The following CNTNAP5 variants were observed in gnomAD, a reference collection of about 807,000 sequenced individuals.
The protein encoded by CNTNAP5 is contactin associated protein family member 5.
CNTNAP5 carries 72 observed loss-of-function variants against 150.2 expected under a neutral mutation model. That is an observed-to-expected ratio of 0.48 (90% CI 0.40 to 0.58). CNTNAP5 has a LOEUF of 0.58. CNTNAP5 is among the 20% of genes least tolerant of loss of function. The pLI, the probability that CNTNAP5 is intolerant of heterozygous loss-of-function variation, is 0.00. For missense variants in CNTNAP5, 1,636 were observed against 1,626.2 expected (o/e 1.01, Z -0.10); for synonymous variants, 672 against 619.8 (o/e 1.08, Z -1.25).
intron 11 of CNTNAP5, among the ~76,000 whole-genome samples, chr2:124,587,983 A>T (rs1404785583): frequency 6.6e-6 from 1 of 152,114 alleles, no homozygotes; most frequent in Non-Finnish European, 1.5e-5. Flanking sequence ...CATATTGGAA[A>T]CTTGAGTTTT....
chr2:124,786,489 A>AAGGAAGGG (rs1681596089), intron 17 of CNTNAP5, among the ~76,000 whole-genome samples: 1 of 132,602 alleles, frequency 7.5e-6, no homozygotes, highest in African/African-American at 3.3e-5. Context: ...GGAAGGAGGG[A>AAGGAAGGG]AGGAAGGGAG....
At chr2:124,150,749 T>C (rs1194441678) in intron 1 of CNTNAP5, among the ~76,000 whole-genome samples, 1 of 152,066 alleles carries the variant, frequency 6.6e-6, no homozygotes, top group African/African-American at 2.4e-5. Context: ...TCATGAGAGG[T>C]CTACCCTGGT....
chr2:124,438,657 C>T (rs1573995339), intron 5 of CNTNAP5, among the ~76,000 whole-genome samples: 1 of 152,116 alleles, frequency 6.6e-6, no homozygotes, highest in Non-Finnish European at 1.5e-5. Context: ...TTTCCATTCT[C>T]CAAAGAGTCA....
At chr2:124,496,047 G>T (rs1282019746) in intron 7 of CNTNAP5, among the ~76,000 whole-genome samples, 2 of 151,924 alleles carry the variant, frequency 1.3e-5, no homozygotes, top group South Asian at 2.1e-4. Flanking sequence ...TAGGTGGGCG[G>T]GTCTGAGTCT....
chr2:124,266,725 T>C (rs79988795), intron 3 of CNTNAP5, among the ~76,000 whole-genome samples: 1 of 152,250 alleles, frequency 6.6e-6, no homozygotes, highest in African/African-American at 2.4e-5. Flanking sequence ...ATGTTTTACT[T>C]CCCAGCATAT....
rs2104773293 is a variant in CNTNAP5 at position 124,915,645 on chromosome 2, T to A, written c.*1357T>A. ...CATAAAGACCCTTCCAAACATCTTT[T>A]TATAGGCTTAAACTCCCAAAAGAGG... On this transcript the variant is annotated 3_prime_UTR_variant, in exon 24 of 24. Coordinates refer to ENST00000682447, the MANE Select transcript of CNTNAP5 (RefSeq NM_001367498.1). 6.6e-6 allele frequency among the ~76,000 whole-genome samples: 1 copy of A among 152,180 alleles called. No individual in the cohort carries two copies. The highest frequency in any genetic ancestry group is 1.9e-4 in the East Asian group (1 of 5,144).
At chr2:124,253,851 A>G (rs1419418410) in intron 3 of CNTNAP5, among the ~76,000 whole-genome samples, 3 of 151,912 alleles carry the variant, frequency 2.0e-5, no homozygotes, top group East Asian at 1.9e-4. Context: ...TTTAGATAAG[A>G]AGATGATGGG....
chr2:124,718,180 A>G (rs534574069), intron 13 of CNTNAP5, among the ~76,000 whole-genome samples: 21 of 152,354 alleles, frequency 1.4e-4, no homozygotes, highest in African/African-American at 4.8e-4. Context: ...GAGATGTGGG[A>G]CATAAAAGCT....
rs542910636 is a variant in CNTNAP5 at position 124,696,176 on chromosome 2, C to G, written c.2077+48218C>G. ...CCAGACAATGATGGCTGGAATGATT[C>G]CTATTAAAAGTGAAGAAATGTTACT... On this transcript the variant is annotated intron_variant, in intron 13 of 23. Transcript: ENST00000682447. Among the ~76,000 whole-genome samples the G allele has an allele frequency of 3.9e-5, 6 of 152,172 alleles. No homozygotes were observed. The South Asian group carries it at 1.2e-3, about 32-fold the overall frequency.
chr2:124,703,093 G>C (rs1374947738), intron 13 of CNTNAP5, among the ~76,000 whole-genome samples: 1 of 149,800 alleles, frequency 6.7e-6, no homozygotes, highest in Non-Finnish European at 1.5e-5. Flanking sequence ...TATGAATTCA[G>C]CTTTCCTTCC....
At chr2:124,853,209 G>A (rs1193289486) in intron 19 of CNTNAP5, among the ~76,000 whole-genome samples, 2 of 152,176 alleles carry the variant, frequency 1.3e-5, no homozygotes, top group African/African-American at 2.4e-5. Context: ...TGATGTGAGG[G>A]CCATAGTGCT....
intron 6 of CNTNAP5, among the ~76,000 whole-genome samples, chr2:124,461,860 C>CAA (rs59177385): frequency 0.19 from 16,323 of 86,664 alleles, 1,310 homozygotes; most frequent in Non-Finnish European, 0.25. Context: ...GATTCCACCT[C>CAA]AAAAAAAAAA....
At chr2:124,254,852 G>C (rs902393696) in intron 3 of CNTNAP5, among the ~76,000 whole-genome samples, 4 of 152,078 alleles carry the variant, frequency 2.6e-5, no homozygotes, top group African/African-American at 9.7e-5. Flanking sequence ...ACTGACTTTT[G>C]ACTAATTTCT....
chr2:124,717,657 C>T (rs563093149), intron 13 of CNTNAP5, among the ~76,000 whole-genome samples: 1 of 152,288 alleles, frequency 6.6e-6, no homozygotes, highest in South Asian at 2.1e-4. Context: ...ACACATGATT[C>T]TGTTGCTGCT....
chr2:124,309,664 G>T (rs369659483), intron 3 of CNTNAP5, among the ~76,000 whole-genome samples: 4 of 152,296 alleles, frequency 2.6e-5, no homozygotes, highest in African/African-American at 9.6e-5. Flanking sequence ...GCTTCCCAAT[G>T]ACAAAAGTCT....
At chr2:124,280,148 T>TTA (rs1174069998) in intron 3 of CNTNAP5, among the ~76,000 whole-genome samples, 5 of 151,610 alleles carry the variant, frequency 3.3e-5, no homozygotes, top group African/African-American at 7.3e-5. Flanking sequence ...TGTGATTATT[T>TTA]TATATATATA....
intron 3 of CNTNAP5, among the ~76,000 whole-genome samples, chr2:124,358,013 G>A (rs1230261878): frequency 2.0e-5 from 3 of 150,708 alleles, no homozygotes; most frequent in Non-Finnish European, 4.5e-5. Context: ...TCCTTGAAGA[G>A]GTCCTTCACA....
chr2:124,317,376 G>C (rs916067629), intron 3 of CNTNAP5, among the ~76,000 whole-genome samples: 2 of 152,078 alleles, frequency 1.3e-5, no homozygotes, highest in African/African-American at 4.8e-5. Flanking sequence ...ACGTCACTCA[G>C]CTTTTAAGTA....
intron 19 of CNTNAP5, among the ~76,000 whole-genome samples, chr2:124,836,832 A>G (rs901369977): frequency 3.3e-5 from 5 of 152,256 alleles, no homozygotes; most frequent in African/African-American, 1.2e-4. Flanking sequence ...TTAATTATAC[A>G]CATACCTCGT....
Sources: gnomAD v4.1 joint callset for allele counts (sites outside exome capture counted in the v4.1 genomes callset) on GRCh38, gnomAD v4.1.1 for gene constraint, MANE v1.5 for transcripts, NCBI Gene and HGNC (gene_info 2026-07-23, HGNC 2026-07-21) for gene names.